Variants in TBC1D1 observed in about 807,000 individuals in gnomAD.
TBC1D1 encodes the protein TBC1 (tre-2/USP6, BUB2, cdc16) domain family, member 1.
In TBC1D1, 89 loss-of-function variants were observed where a neutral mutation model predicts 125.6. That is an observed-to-expected ratio of 0.71 (90% confidence interval 0.60 to 0.85). The LOEUF is 0.85. Ranked by LOEUF, TBC1D1 falls within the 40% of genes least tolerant of loss-of-function variation. The pLI, the probability that TBC1D1 is intolerant of heterozygous loss-of-function variation, is 0.00. For missense variants in TBC1D1, 1,377 were observed against 1,469.2 expected (o/e 0.94, Z 1.03); for synonymous variants, 565 against 564.1 (o/e 1.00, Z -0.02).
chr4:38,016,743 G>C (rs1742813282), intron 3 of TBC1D1, among the ~76,000 whole-genome samples: 2 of 152,256 alleles, frequency 1.3e-5, no homozygotes, highest in South Asian at 2.1e-4. Flanking sequence ...ATGGTGCGTA[G>C]AGATGGGGCT....
chr4:38,050,729 G>T (rs1437604216), intron 11 of TBC1D1, among the ~76,000 whole-genome samples: 1 of 152,232 alleles, frequency 6.6e-6, no homozygotes, highest in Non-Finnish European at 1.5e-5. Context: ...GGACCTATGT[G>T]TTCGTGTAGT....
intron 17 of TBC1D1, chr4:38,118,691 G>C (rs771107524): frequency 6.5e-6 from 1 of 153,282 alleles, no homozygotes; most frequent in Non-Finnish European, 1.5e-5. Flanking sequence ...TCAGGACCTT[G>C]AGTAACACCT....
At chr4:38,088,399 T>C (rs949946604) in intron 12 of TBC1D1, among the ~76,000 whole-genome samples, 2 of 152,194 alleles carry the variant, frequency 1.3e-5, no homozygotes, top group African/African-American at 4.8e-5. Context: ...TTGCCACAAA[T>C]TTAGAAAATA....
intron 2 of TBC1D1, among the ~76,000 whole-genome samples, chr4:37,946,753 G>A (rs916478233): frequency 2.6e-5 from 4 of 152,272 alleles, no homozygotes; most frequent in Admixed American, 6.5e-5. Flanking sequence ...TGGGAGTTGC[G>A]GCAGTGTCGA....
At chr4:37,966,085 G>T (rs1021978556) in intron 2 of TBC1D1, among the ~76,000 whole-genome samples, 1 of 152,090 alleles carries the variant, frequency 6.6e-6, no homozygotes, top group Non-Finnish European at 1.5e-5. Context: ...CAACATGCCT[G>T]AGGGAAGCTT....
intron 9 of TBC1D1, among the ~76,000 whole-genome samples, chr4:38,045,323 G>A (rs1288103326): frequency 2.0e-5 from 3 of 152,130 alleles, no homozygotes; most frequent in Non-Finnish European, 2.9e-5. Flanking sequence ...TTTAATTAAG[G>A]AAAGTTAAAT....
In TBC1D1 at chr4:38,104,159, C is replaced by CAAA. The variant is rs71658758; in HGVS notation, c.2557+1024_2557+1026dup. On this transcript the variant is annotated intron_variant, in intron 15 of 19. Transcript: ENST00000261439. ...TGGGTGACAGAATGAGACTCTGTCT[C>CAAA]AAAAAAAAAAAAAAAAAAAAAAAAG... is the stretch of plus-strand genomic sequence containing the variant. 6.0e-3 allele frequency among the ~76,000 whole-genome samples: 499 copies of CAAA among 83,862 alleles called. 28 individuals carry two copies. The highest frequency in any genetic ancestry group is 0.024 in the East Asian group (40 of 1,650). The allele number at this position is 83,862 out of a possible 152,430, so 55.0% of individuals were successfully genotyped here.
chr4:38,117,864 G>A (rs1334607881), intron 16 of TBC1D1, among the ~76,000 whole-genome samples, 169 bp from the exon 19 acceptor site: 1 of 150,038 alleles, frequency 6.7e-6, no homozygotes, highest in Non-Finnish European at 1.5e-5. Flanking sequence ...CAGGCACTTG[G>A]GAAGCACTTG....
intron 2 of TBC1D1, among the ~76,000 whole-genome samples, chr4:37,933,433 T>TACAC (rs3038289): frequency 3.2e-3 from 477 of 147,358 alleles, no homozygotes; most frequent in African/African-American, 7.5e-3. Flanking sequence ...ACATATGTTT[T>TACAC]ACACACACAC....
At chr4:38,119,731 G>T (rs181049020) in intron 17 of TBC1D1, among the ~76,000 whole-genome samples, 22 of 152,302 alleles carry the variant, frequency 1.4e-4, no homozygotes, top group Non-Finnish European at 3.1e-4. Context: ...TTCATACAGG[G>T]TCATGAAGAG....
intron 12 of TBC1D1, among the ~76,000 whole-genome samples, chr4:38,055,748 T>G (rs1352933113): frequency 1.3e-5 from 2 of 152,162 alleles, no homozygotes; most frequent in Non-Finnish European, 2.9e-5. Context: ...GCCACATCTC[T>G]CTTCCCCTGC....
intron 1 of TBC1D1, among the ~76,000 whole-genome samples, chr4:37,896,687 GA>G (rs1714709036): frequency 6.6e-6 from 1 of 151,484 alleles, no homozygotes; most frequent in Admixed American, 6.6e-5. Flanking sequence ...GCAGCACTTG[GA>G]TGGGAGTCAG....
At chr4:37,983,780 C>T (rs1734879095) in intron 2 of TBC1D1, among the ~76,000 whole-genome samples, 1 of 152,170 alleles carries the variant, frequency 6.6e-6, no homozygotes, top group South Asian at 2.1e-4. Flanking sequence ...CCATCGTTTA[C>T]ATTAGGGTTC....
chr4:37,907,882 CT>C (rs1332856897), intron 2 of TBC1D1, among the ~76,000 whole-genome samples: 1 of 152,206 alleles, frequency 6.6e-6, no homozygotes, highest in Non-Finnish European at 1.5e-5. Flanking sequence ...CAATCTGCCC[CT>C]CATACTGATT....
intron 11 of TBC1D1, among the ~76,000 whole-genome samples, chr4:38,052,757 CACACACAG>C (rs773635524): frequency 0.087 from 10,817 of 124,126 alleles, 414 homozygotes; most frequent in East Asian, 0.25. Flanking sequence ...CACACACACA[CACACACAG>C]GATAACATCT....
At chr4:38,041,433 C>T (rs1748353074) in intron 8 of TBC1D1, among the ~76,000 whole-genome samples, 1 of 152,180 alleles carries the variant, frequency 6.6e-6, no homozygotes, top group Non-Finnish European at 1.5e-5. Context: ...GGCACAGTCC[C>T]TGTGACCCAG....
At chr4:38,018,923 C>A (rs1424284547) in intron 4 of TBC1D1, among the ~76,000 whole-genome samples, 1 of 151,286 alleles carries the variant, frequency 6.6e-6, no homozygotes, top group African/African-American at 2.4e-5. Flanking sequence ...ACAAATATAT[C>A]TTTTTATTAG....
chr4:38,075,824 C>G (rs1242832473), intron 12 of TBC1D1, among the ~76,000 whole-genome samples: 1 of 152,168 alleles, frequency 6.6e-6, no homozygotes, highest in Admixed American at 6.5e-5. Context: ...AAGCAGAACC[C>G]CCATCACGGT....
At chr4:38,106,962 C>T (rs1488877210) in intron 15 of TBC1D1, among the ~76,000 whole-genome samples, 1 of 151,918 alleles carries the variant, frequency 6.6e-6, no homozygotes, top group Non-Finnish European at 1.5e-5. Context: ...CTGCCTCTCC[C>T]CACCCTCTCC....
Sources: gnomAD v4.1 joint callset for allele counts (sites outside exome capture counted in the v4.1 genomes callset) on GRCh38, gnomAD v4.1.1 for gene constraint, MANE v1.5 for transcripts, NCBI Gene and HGNC (gene_info 2026-07-23, HGNC 2026-07-21) for gene names.